Variants in NXPE3 observed in about 807,000 individuals in gnomAD.
NXPE3 encodes the protein NXPE family member 3.
Under a neutral mutation model 46.1 loss-of-function variants are expected in NXPE3, and 26 were observed. The ratio of observed to expected loss-of-function variants is 0.56; its 90% CI spans 0.41 to 0.78. The LOEUF is 0.78. Ranked by LOEUF, NXPE3 falls within the 30% of genes least tolerant of loss-of-function variation. The probability of loss-of-function intolerance (pLI) is 0.00; values close to 1 mark genes in which losing one functional copy is unlikely to be tolerated. For missense variants in NXPE3, 620 were observed against 686.0 expected (o/e 0.90, Z 1.07); for synonymous variants, 272 against 257.9 (o/e 1.05, Z -0.52).
At position 101,816,844 on chromosome 3, in the gene NXPE3, GTAT is replaced by G. The variant is rs767154877; in HGVS notation, c.979_981del (p.Tyr327del). 1.9e-6 allele frequency: 3 copies of G among 1,614,060 alleles called. No individual in the cohort carries two copies. The highest frequency in any genetic ancestry group is 2.5e-6 in the Non-Finnish European group (3 of 1,179,994). On this transcript the variant is annotated inframe_deletion, in exon 7 of 8. Coordinates refer to ENST00000273347, the MANE Select transcript of NXPE3 (RefSeq NM_145037.4). Reference sequence around the variant, plus strand: ...AAGGCTCAGGAACTTTTCCTTCTGGGTATTATTATAAAGACCAGTGGAGGCCCA... The same window carrying G: ...AAGGCTCAGGAACTTTTCCTTCTGGGTATTATAAAGACCAGTGGAGGCCCA...
rs549166827 is a variant in NXPE3 at position 101,827,556 on chromosome 3, A to G, written c.*5602A>G. On this transcript the variant is annotated 3_prime_UTR_variant, in exon 8 of 8. Coordinates refer to ENST00000273347, the MANE Select transcript of NXPE3 (RefSeq NM_145037.4). Reference sequence around the variant, plus strand: ...GCACCCTCACGTTTAGGGGCCACACAGAAAAAGCGAAATAAGATGAGGTGA... The same window carrying G: ...GCACCCTCACGTTTAGGGGCCACACGGAAAAAGCGAAATAAGATGAGGTGA... 1.3e-5 allele frequency among the ~76,000 whole-genome samples: 2 copies of G among 152,352 alleles called. No homozygotes were observed. Among genetic ancestry groups the G allele is most frequent in the East Asian group, 3.9e-4 (2 of 5,186 alleles).
Position 101,816,928 on chromosome 3 carries a change from A to G in NXPE3, c.1056A>G (p.Gln352=), listed in dbSNP as rs1388040010. 3 of 1,614,162 alleles carry G rather than the reference A, an allele frequency of 1.9e-6. No individual in the cohort carries two copies. The South Asian group carries it at 3.3e-5, about 18-fold the overall frequency. ...NDPDNITECL[Q]RKVVHLFGDS... is the part of the protein sequence containing the mutation. Reference sequence around the variant, plus strand: ...CTGACAACATTACAGAGTGCTTACAAAGAAAAGTGGTGCATTTATTTGGTG... The same window carrying G: ...CTGACAACATTACAGAGTGCTTACAGAGAAAAGTGGTGCATTTATTTGGTG... Residue 352 remains glutamine, a synonymous_variant, in exon 7 of 8, where the codon CAA becomes CAG. Transcript: ENST00000273347.
intron 7 of NXPE3, among the ~76,000 whole-genome samples, chr3:101,818,469 A>G (rs1490508547): frequency 1.3e-5 from 2 of 151,826 alleles, no homozygotes; most frequent in Non-Finnish European, 2.9e-5. Context: ...CTTTGATGAC[A>G]AGGATCACAC....
rs567829330 is a variant in NXPE3 at position 101,812,281 on chromosome 3, A to G, written c.923-4514A>G. ...CTATTTTAAAGACAACTACTTTCCA[A>G]TTACTGGAAAGAATAATTTGATACA... is the stretch of plus-strand genomic sequence containing the variant. On this transcript the variant is annotated intron_variant, in intron 6 of 7. Transcript: ENST00000273347. Among the ~76,000 whole-genome samples the G allele has an allele frequency of 3.0e-4, 45 of 152,316 alleles. No homozygotes were observed. The South Asian group carries it at 7.0e-3, about 24-fold the overall frequency.
chr3:101,821,525 C>G lies in NXPE3; in HGVS notation c.1251C>G (p.Val417=). 6.2e-7 allele frequency: 1 copy of G among 1,614,198 alleles called. No homozygotes were observed. The highest frequency in any genetic ancestry group is 1.7e-5 in the Admixed American group (1 of 60,024). The stretch of plus-strand genomic sequence containing the variant: ...GTCCACCCATCCGCTTCACGACTGT[C>G]TTTAGCAATGAGCTCCATTATGTGG... The part of the protein sequence containing the change: ...CHGPPIRFTT[V]FSNELHYVAN... Residue 417 remains valine (V), a synonymous_variant, in exon 8 of 8, where the codon GTC becomes GTG. Transcript: ENST00000273347.
At chr3:101,795,542 T>C (rs1940780473) in intron 4 of NXPE3, among the ~76,000 whole-genome samples, 1 of 151,418 alleles carries the variant, frequency 6.6e-6, no homozygotes, top group South Asian at 2.1e-4. Context: ...GCAGTCCATA[T>C]TATGAGAAGG....
At chr3:101,792,716 C>T (rs1466323414) in intron 4 of NXPE3, among the ~76,000 whole-genome samples, 2 of 152,100 alleles carry the variant, frequency 1.3e-5, no homozygotes, top group Non-Finnish European at 2.9e-5. Context: ...CAGCTTTATT[C>T]TTTTTGCTTA....
rs1359526885 is a variant in NXPE3 at position 101,816,826 on chromosome 3, A to T, written c.954A>T (p.Ser318=). ...ETNSLELSQG[S]GTFPSGYYYK... is the part of the protein sequence containing the mutation. ...ACAGTCTAGAACTATCTCAAGGCTC[A>T]GGAACTTTTCCTTCTGGGTATTATT... Residue 318 remains serine (S), a synonymous_variant, in exon 7 of 8, where the codon TCA becomes TCT. Transcript: ENST00000273347. The T allele has an allele frequency of 6.2e-7, 1 of 1,614,102 alleles. No homozygotes were observed. Among genetic ancestry groups the T allele is most frequent in the Non-Finnish European group, 8.5e-7 (1 of 1,179,954 alleles).
At chr3:101,808,820 T>G (rs9856269) in intron 6 of NXPE3, among the ~76,000 whole-genome samples, 27 of 79,802 alleles carry the variant, frequency 3.4e-4, no homozygotes, top group Admixed American at 1.1e-3. Context: ...TTTTAGAGGA[T>G]ATATATATAT....
At chr3:101,788,084 C>T (rs984185306) in intron 4 of NXPE3, among the ~76,000 whole-genome samples, 1 of 152,052 alleles carries the variant, frequency 6.6e-6, no homozygotes, top group Admixed American at 6.6e-5. Context: ...TGATAGTAGC[C>T]TTCTTTGTGG....
intron 7 of NXPE3, among the ~76,000 whole-genome samples, chr3:101,820,735 A>G (rs1361541498): frequency 6.6e-6 from 1 of 152,238 alleles, no homozygotes; most frequent in East Asian, 1.9e-4. Context: ...GCATGGATGG[A>G]GCTGGAGGCT....
At chr3:101,799,911 T>G (rs576991896) in intron 4 of NXPE3, among the ~76,000 whole-genome samples, 1 of 152,266 alleles carries the variant, frequency 6.6e-6, no homozygotes, top group Non-Finnish European at 1.5e-5. Flanking sequence ...TAGTGATGGC[T>G]TCTCTTTCAT....
At chr3:101,780,266 T>C (rs1939736158) in intron 1 of NXPE3, among the ~76,000 whole-genome samples, 1 of 152,228 alleles carries the variant, frequency 6.6e-6, no homozygotes, top group East Asian at 1.9e-4. Context: ...GGGTTCTGCT[T>C]TTCTTTGAAT....
chr3:101,780,838 A>G (rs981297072), intron 1 of NXPE3, among the ~76,000 whole-genome samples: 2 of 152,258 alleles, frequency 1.3e-5, no homozygotes, highest in African/African-American at 2.4e-5. Context: ...GGGAAGGTCC[A>G]GATGAGTCAG....
intron 4 of NXPE3, among the ~76,000 whole-genome samples, chr3:101,786,615 T>C (rs2107244598): frequency 6.6e-6 from 1 of 152,348 alleles, no homozygotes; most frequent in African/African-American, 2.4e-5. Context: ...GCTTAAGGCA[T>C]AAAAGCTAAG....
chr3:101,819,383 C>T (rs895643071), intron 7 of NXPE3, among the ~76,000 whole-genome samples: 2 of 152,156 alleles, frequency 1.3e-5, no homozygotes, highest in Non-Finnish European at 2.9e-5. Flanking sequence ...CTCCAGGCAA[C>T]TGGACCTTGA....
In NXPE3 at chr3:101,821,847, G is replaced by C. The variant is rs2107365050; in HGVS notation, c.1573G>C (p.Glu525Gln). Residue 525 changes from glutamate to glutamine, a missense_variant, in exon 8 of 8, where the codon GAG becomes CAG. Transcript: ENST00000273347. ...GVGVYLVDAW[E>Q]MTLAHYLPHK... The stretch of plus-strand genomic sequence containing the variant: ...TGGAGTATATCTCGTCGATGCCTGG[G>C]AGATGACCCTGGCCCATTATCTACC... The C allele has an allele frequency of 6.2e-7, 1 of 1,614,180 alleles. No individual in the cohort carries two copies. Among genetic ancestry groups the C allele is most frequent in the Non-Finnish European group, 8.5e-7 (1 of 1,180,030 alleles).
intron 7 of NXPE3, among the ~76,000 whole-genome samples, chr3:101,820,988 G>A (rs1205316639): frequency 1.3e-5 from 2 of 152,010 alleles, no homozygotes; most frequent in African/African-American, 2.4e-5. Flanking sequence ...AAACCTTTAC[G>A]TGCACTCCCA....
chr3:101,799,321 A>G (rs1235453751), intron 4 of NXPE3, among the ~76,000 whole-genome samples: 2 of 152,212 alleles, frequency 1.3e-5, no homozygotes, highest in Non-Finnish European at 1.5e-5. Context: ...ATTTCTATAT[A>G]TAACATTAAA....
Sources: allele counts gnomAD v4.1 joint callset (sites outside exome capture counted in the v4.1 genomes callset), GRCh38; gene constraint gnomAD v4.1.1; transcripts MANE v1.5; gene names NCBI Gene and HGNC (gene_info 2026-07-23, HGNC 2026-07-21).